SEM1: variants seen among roughly 807,000 people sequenced by gnomAD.
SEM1 encodes the protein 26S proteasome complex subunit SEM1.
A neutral mutation model predicts 12.7 loss-of-function variants in SEM1; 3 were observed. The observed-to-expected ratio is 0.24, with a 90% CI of 0.11 to 0.61. The LOEUF (loss-of-function observed/expected upper bound fraction) is 0.61. Among genes scored for constraint, SEM1 ranks in the 20% least tolerant of loss-of-function variants. The pLI, the probability that SEM1 is intolerant of heterozygous loss-of-function variation, is 0.88. For missense variants in SEM1, 59 were observed against 81.3 expected, an observed-to-expected ratio of 0.73 and a Z score of 1.06; for synonymous variants, 30 against 27.8, an observed-to-expected ratio of 1.08 and a Z score of -0.25.
chr7:96,701,695 C>G (rs1405657095), intron 1 of SEM1, among the ~76,000 whole-genome samples: 1 of 151,584 alleles, frequency 6.6e-6, no homozygotes, highest in Admixed American at 6.6e-5. Flanking sequence ...AATGGTTAAT[C>G]TTACTTAAAA....
chr7:96,521,986 T>C (rs931172400), intron 2 of SEM1, among the ~76,000 whole-genome samples: 79 of 152,138 alleles, frequency 5.2e-4, no homozygotes, highest in African/African-American at 1.8e-3. Flanking sequence ...AATTGAACTG[T>C]AAGGAGTACA....
At chr7:96,563,733 T>A (rs768819349) in intron 2 of SEM1, among the ~76,000 whole-genome samples, 1 of 151,966 alleles carries the variant, frequency 6.6e-6, no homozygotes, top group South Asian at 2.1e-4. Context: ...TGAATAGATA[T>A]AGAATGTTTA....
downstream of SEM1, among the ~76,000 whole-genome samples, chr7:96,620,828 G>GT (rs75476069): frequency 0.039 from 5,910 of 151,936 alleles, 139 homozygotes; most frequent in Admixed American, 0.058. Context: ...TCTATGTTAT[G>GT]TTTTTTTTAG....
exon 4 of SEM1, chr7:96,483,975 A>C: frequency 6.6e-7 from 1 of 1,526,626 alleles, no homozygotes; most frequent in South Asian, 1.2e-5. Flanking sequence ...GGAGCAGTGG[A>C]AAGAGTCAGG....
intron 2 of SEM1, among the ~76,000 whole-genome samples, chr7:96,541,443 GTTTT>G (rs61049763): frequency 9.8e-6 from 1 of 102,394 alleles, no homozygotes; most frequent in South Asian, 3.3e-4. Flanking sequence ...TTTTTTTTTT[GTTTT>G]TTTTTTTTTT....
At chr7:96,650,282 A>C in intron 2 of SEM1, 1 of 471,230 alleles carries the variant, frequency 2.1e-6, no homozygotes, top group Non-Finnish European at 3.7e-6. Flanking sequence ...TCCGCTGCAC[A>C]AGACTTGAAA....
intron 1 of SEM1, among the ~76,000 whole-genome samples, chr7:96,704,063 T>A (rs1034987638): frequency 6.7e-6 from 1 of 148,392 alleles, no homozygotes; most frequent in Non-Finnish European, 1.5e-5. Context: ...AAGGGACTAG[T>A]TAAATAGACT....
chr7:96,690,429 T>G (rs1374159893), intron 2 of SEM1, among the ~76,000 whole-genome samples: 4 of 152,116 alleles, frequency 2.6e-5, no homozygotes. Context: ...ATCAGCTAAA[T>G]TCTTAGAAAA....
At chr7:96,537,009 C>T (rs555946386) in intron 2 of SEM1, among the ~76,000 whole-genome samples, 8 of 151,832 alleles carry the variant, frequency 5.3e-5, no homozygotes, top group African/African-American at 1.9e-4. Context: ...TTACTGCTTT[C>T]CTTGGTTTTA....
chr7:96,580,609 C>T (rs944576020), intron 2 of SEM1, among the ~76,000 whole-genome samples: 56 of 151,822 alleles, frequency 3.7e-4, no homozygotes, highest in Non-Finnish European at 6.5e-4. Flanking sequence ...GTTCCTATTT[C>T]TCCACATCCT....
intron 2 of SEM1, among the ~76,000 whole-genome samples, chr7:96,610,676 T>C (rs943163041): frequency 2.0e-5 from 3 of 152,182 alleles, no homozygotes; most frequent in Admixed American, 2.0e-4. Flanking sequence ...CAATATAGAA[T>C]TGGAAGTTTC....
At chr7:96,527,432 C>T (rs533648421) in intron 2 of SEM1, among the ~76,000 whole-genome samples, 9 of 152,140 alleles carry the variant, frequency 5.9e-5, no homozygotes, top group East Asian at 1.9e-4. Flanking sequence ...TACCAGGGTG[C>T]GGGTAGCGAG....
At chr7:96,529,839 A>G (rs1002341992) in intron 2 of SEM1, among the ~76,000 whole-genome samples, 1 of 152,148 alleles carries the variant, frequency 6.6e-6, no homozygotes, top group African/African-American at 2.4e-5. Context: ...TTTAAAAATT[A>G]TCTTGGTGAT....
chr7:96,538,312 T>C (rs1341073567), intron 2 of SEM1, among the ~76,000 whole-genome samples: 1 of 151,830 alleles, frequency 6.6e-6, no homozygotes, highest in African/African-American at 2.4e-5. Context: ...CTGAGCCTAA[T>C]TCAGATAGTT....
rs780179893 is a variant in SEM1, at chr7:96,486,175, T to C, written c.227+28A>G. ...TAATTTTTTTTCTACCTTTTTTTTT[T>C]TTCCTCCTGTGGCTGTCATCTGCTT... On this transcript the variant is annotated intron_variant, in intron 2 of 3. Transcript: ENST00000356686. 2.0e-6 allele frequency: 3 copies of C among 1,491,938 alleles called. No homozygotes were observed. The South Asian group carries it at 3.8e-5, about 19-fold the overall frequency. The allele number at this position is 1,491,938 out of a possible 1,614,324, so 92.4% of individuals were successfully genotyped here.
chr7:96,645,709 T>A (rs549626530), intron 2 of SEM1: 1 of 398,016 alleles, frequency 2.5e-6, no homozygotes, highest in East Asian at 3.6e-5. Context: ...CCGATGAGTT[T>A]AAGAGAGGGA....
intron 2 of SEM1, among the ~76,000 whole-genome samples, chr7:96,587,115 A>G (rs940510218): frequency 7.9e-5 from 12 of 152,238 alleles, no homozygotes; most frequent in African/African-American, 2.4e-4. Context: ...AATAAGTGTG[A>G]GAACACCAAT....
intron 2 of SEM1, among the ~76,000 whole-genome samples, chr7:96,625,137 T>TA (rs1257140134): frequency 6.6e-6 from 1 of 152,174 alleles, no homozygotes; most frequent in Non-Finnish European, 1.5e-5. Context: ...GGAATCCCAT[T>TA]GTTCCAACAG....
chr7:96,600,336 A>G (rs113861459), intron 2 of SEM1, among the ~76,000 whole-genome samples: 2 of 152,242 alleles, frequency 1.3e-5, no homozygotes, highest in Non-Finnish European at 2.9e-5. Context: ...TATTTATGAT[A>G]TAGGCAGTAG....
Sources: gnomAD v4.1 joint callset for allele counts (sites outside exome capture counted in the v4.1 genomes callset) on GRCh38, gnomAD v4.1.1 for gene constraint, MANE v1.5 for transcripts, NCBI Gene and HGNC (gene_info 2026-07-23, HGNC 2026-07-21) for gene names.